Variants in SLC14A2 observed in about 807,000 individuals in gnomAD.
SLC14A2 encodes urea transporter 2.
Under a neutral mutation model 104.6 loss-of-function variants are expected in SLC14A2, and 91 were observed. The observed-to-expected ratio is 0.87, with a 90% CI of 0.73 to 1.04. The LOEUF (loss-of-function observed/expected upper bound fraction) is 1.04. Among genes scored for constraint, SLC14A2 ranks in the 50% least tolerant of loss-of-function variants. The probability of loss-of-function intolerance (pLI) is 0.00; values close to 1 mark genes in which losing one functional copy is unlikely to be tolerated. For synonymous variants in SLC14A2, 476 were observed against 466.4 expected (o/e 1.02, Z -0.27); for missense variants, 1,189 against 1,156.0 (o/e 1.03, Z -0.41).
chr18:45,639,776 C>T lies in SLC14A2; in HGVS notation c.874C>T (p.Gln292Ter), dbSNP rs1166320725. ...ACAAGCCATCCCTGTTGGGGTCGGC[C>T]AGGTGTATGGCTGTGACAATCCCTG... is the stretch of plus-strand genomic sequence containing the variant. ...LLQAIPVGVGQVYGCDNPWTG... is the reference protein window; with the variant it reads ...LLQAIPVGVG The change falls in exon 7 of 20, where the codon CAG becomes TAG. Residue 292 changes from glutamine to a stop codon, truncating the protein, a stop_gained. Coordinates refer to ENST00000255226, the MANE Select transcript of SLC14A2 (RefSeq NM_007163.4). LOFTEE classifies it high-confidence loss of function. 1.9e-6 allele frequency: 3 copies of T among 1,613,962 alleles called. No individual in the cohort carries two copies. Among genetic ancestry groups the T allele is most frequent in the East Asian group, 2.2e-5 (1 of 44,864 alleles).
intron 1 of SLC14A2, among the ~76,000 whole-genome samples, chr18:45,287,954 C>T (rs1457121551): frequency 1.3e-5 from 2 of 152,234 alleles, no homozygotes; most frequent in African/African-American, 2.4e-5. Flanking sequence ...AGCAGAGTAA[C>T]TCGCCTGCAG....
At chr18:45,580,517 A>T (rs749340107) in intron 2 of SLC14A2, among the ~76,000 whole-genome samples, 1 of 152,198 alleles carries the variant, frequency 6.6e-6, no homozygotes, top group Non-Finnish European at 1.5e-5. Flanking sequence ...AGCCTGAAGG[A>T]AAACAGTGCC....
rs61615434 is a variant in SLC14A2, at chr18:45,380,352, G to A, written c.-124-102881G>A. 5.8e-3 allele frequency among the ~76,000 whole-genome samples: 876 copies of A among 152,286 alleles called. 10 individuals are homozygous for A. Among genetic ancestry groups the A allele is most frequent in the African/African-American group, 0.018 (768 of 41,562 alleles). On this transcript the variant is annotated intron_variant, in intron 1 of 20. Coordinates refer to the SLC14A2 transcript ENST00000586448. ...TTATTACTCTTTGTAGCAATAGAGA[G>A]CACACACCATGAGAAATTATGGGCA... is the stretch of plus-strand genomic sequence containing the variant.
intron 1 of SLC14A2, among the ~76,000 whole-genome samples, chr18:45,311,883 A>C (rs1307911973): frequency 6.6e-6 from 1 of 152,240 alleles, no homozygotes; most frequent in Admixed American, 6.5e-5. Flanking sequence ...TGCAGAGGCC[A>C]AGACGTGGGA....
At chr18:45,657,252 A>T (rs1034879591) in intron 10 of SLC14A2, among the ~76,000 whole-genome samples, 8 of 152,102 alleles carry the variant, frequency 5.3e-5, no homozygotes, top group Non-Finnish European at 1.0e-4. Context: ...CGGGTGGATC[A>T]CCTGAGGTCA....
chr18:45,337,427 G>A (rs555941186), intron 1 of SLC14A2, among the ~76,000 whole-genome samples: 1 of 152,268 alleles, frequency 6.6e-6, no homozygotes, highest in East Asian at 1.9e-4. Context: ...TCTGCCATAT[G>A]CACACAAGTT....
intron 1 of SLC14A2, among the ~76,000 whole-genome samples, chr18:45,324,082 A>G (rs1040538274): frequency 2.3e-4 from 35 of 152,208 alleles, no homozygotes; most frequent in African/African-American, 8.2e-4. Flanking sequence ...ATGCCCATCT[A>G]TTAAATTGGA....
intron 1 of SLC14A2, among the ~76,000 whole-genome samples, chr18:45,445,827 A>G (rs1220687385): frequency 1.3e-5 from 2 of 152,204 alleles, no homozygotes; most frequent in East Asian, 1.9e-4. Flanking sequence ...TAGTGTGCCT[A>G]AAATTCCTAC....
intron 18 of SLC14A2, 130 bp from the exon 19 acceptor site, chr18:45,678,845 C>A: frequency 1.2e-6 from 1 of 847,912 alleles, no homozygotes; most frequent in Non-Finnish European, 1.8e-6. Context: ...AAACATAACT[C>A]AAATTTTTAA....
At chr18:45,217,001 T>C (rs2084017041) in intron 1 of SLC14A2, among the ~76,000 whole-genome samples, 2 of 152,108 alleles carry the variant, frequency 1.3e-5, no homozygotes, top group Admixed American at 1.3e-4. Context: ...CAGGCTTGGC[T>C]TCTCATCTGG....
intron 1 of SLC14A2, among the ~76,000 whole-genome samples, chr18:45,359,322 C>A (rs891320094): frequency 4.6e-5 from 7 of 152,160 alleles, no homozygotes; most frequent in Non-Finnish European, 8.8e-5. Flanking sequence ...CAGGCCCCCC[C>A]GTCTAGCGTT....
chr18:45,557,735 T>G (rs1411402204), intron 2 of SLC14A2, among the ~76,000 whole-genome samples: 1 of 152,162 alleles, frequency 6.6e-6, no homozygotes, highest in Non-Finnish European at 1.5e-5. Context: ...ATTTTGCCTG[T>G]TCTGCCTGGC....
At chr18:45,598,993 A>G (rs1050487255) in intron 2 of SLC14A2, among the ~76,000 whole-genome samples, 9 of 152,226 alleles carry the variant, frequency 5.9e-5, no homozygotes, top group African/African-American at 2.2e-4. Context: ...ATGTGCCGGT[A>G]TATGCAGCCA....
At chr18:45,395,749 G>A (rs1417563123) in intron 1 of SLC14A2, among the ~76,000 whole-genome samples, 1 of 152,078 alleles carries the variant, frequency 6.6e-6, no homozygotes, top group African/African-American at 2.4e-5. Context: ...ACCCCATTAT[G>A]TCCCTATAAA....
chr18:45,370,375 C>G (rs531527688), intron 1 of SLC14A2, among the ~76,000 whole-genome samples: 2 of 152,200 alleles, frequency 1.3e-5, no homozygotes, highest in East Asian at 3.8e-4. Flanking sequence ...ACTCTATCAT[C>G]TGCTCCGTGG....
chr18:45,234,144 C>T (rs572612723), intron 1 of SLC14A2, among the ~76,000 whole-genome samples: 1 of 152,106 alleles, frequency 6.6e-6, no homozygotes, highest in Non-Finnish European at 1.5e-5. Flanking sequence ...CTTAACCTGC[C>T]CAGCACCAGA....
rs138474866 is a variant in SLC14A2 at position 45,303,672 on chromosome 18, A to G, written c.-125+90481A>G. On this transcript the variant is annotated intron_variant, in intron 1 of 20. Coordinates refer to the SLC14A2 transcript ENST00000586448. ...GATATTCATGGGTCTGCAATACCTT[A>G]ATAATATTTATTACAGAAACACCTT... is the stretch of plus-strand genomic sequence containing the variant. Among the ~76,000 whole-genome samples, 455 of 152,356 alleles carry G rather than the reference A, an allele frequency of 3.0e-3. 2 individuals carry two copies. Among genetic ancestry groups the G allele is most frequent in the Middle Eastern group, 0.017 (5 of 294 alleles).
intron 1 of SLC14A2, among the ~76,000 whole-genome samples, chr18:45,482,033 C>T (rs2087503484): frequency 6.6e-6 from 1 of 152,046 alleles, no homozygotes; most frequent in African/African-American, 2.4e-5. Context: ...TGAAATTAAC[C>T]TGAACTACAG....
chr18:45,340,869 C>A (rs1011277944), intron 1 of SLC14A2, among the ~76,000 whole-genome samples: 1 of 152,130 alleles, frequency 6.6e-6, no homozygotes, highest in Non-Finnish European at 1.5e-5. Context: ...GGTGAAGCCA[C>A]CCTTCACAAC....
Sources: gnomAD v4.1 joint callset for allele counts (sites outside exome capture counted in the v4.1 genomes callset) on GRCh38, gnomAD v4.1.1 for gene constraint, MANE v1.5 for transcripts, NCBI Gene and HGNC (gene_info 2026-07-23, HGNC 2026-07-21) for gene names.